TRIO: variants seen among roughly 807,000 people sequenced by gnomAD.
TRIO encodes the protein trio Rho guanine nucleotide exchange factor.
TRIO carries 58 observed loss-of-function variants against 351.9 expected under a neutral mutation model. The observed-to-expected ratio is 0.16, with a 90% CI of 0.13 to 0.21. The LOEUF (loss-of-function observed/expected upper bound fraction) is 0.21. Ranked by LOEUF, TRIO falls within the 10% of genes least tolerant of loss-of-function variation. The pLI is 1.00. For synonymous variants in TRIO, 1,758 were observed against 1,595.7 expected, an observed-to-expected ratio of 1.10 and a Z score of -2.42; for missense variants, 3,201 against 4,027.8, an observed-to-expected ratio of 0.79 and a Z score of 5.56.
intron 1 of TRIO, among the ~76,000 whole-genome samples, chr5:14,212,786 T>G (rs1791986918): frequency 6.6e-6 from 1 of 152,190 alleles, no homozygotes; most frequent in Non-Finnish European, 1.5e-5. Context: ...ATTTTTTAAT[T>G]TACACATTGA....
intron 4 of TRIO, among the ~76,000 whole-genome samples, chr5:14,290,166 G>A (rs1736783764): frequency 6.6e-6 from 1 of 152,302 alleles, no homozygotes; most frequent in South Asian, 2.1e-4. Context: ...GGTTGGAGCA[G>A]CATTCATCGT....
At position 14,280,319 on chromosome 5, in the gene TRIO, T is replaced by C. The variant is rs1449367284; in HGVS notation, c.233-3T>C. 1.2e-6 allele frequency: 2 copies of C among 1,613,716 alleles called. No homozygotes were observed. Among genetic ancestry groups the C allele is most frequent in the East Asian group, 4.5e-5 (2 of 44,872 alleles). On this transcript the variant is annotated splice_region_variant and splice_polypyrimidine_tract_variant and intron_variant, in intron 2 of 56. Coordinates refer to ENST00000344204, the MANE Select transcript of TRIO (RefSeq NM_007118.4). ...AAGTGTATTCCTAATGTTTGTTTTT[T>C]AGGTGGGAGAGATAAACGTGGAGGT...
intron 40 of TRIO, 68 bp downstream of exon 40, chr5:14,474,165 G>A: frequency 6.8e-7 from 1 of 1,475,384 alleles, no homozygotes; most frequent in African/African-American, 1.4e-5. Flanking sequence ...AGGCAGGCCA[G>A]GCCAAAGGGA....
chr5:14,316,815 T>A, intron 9 of TRIO, 72 bp downstream of exon 9: 1 of 1,454,974 alleles, frequency 6.9e-7, no homozygotes, highest in Non-Finnish European at 9.4e-7. Context: ...CATCATCATA[T>A]TGGGAAGATC....
intron 34 of TRIO, among the ~76,000 whole-genome samples, chr5:14,434,638 G>C (rs905010787): frequency 6.6e-6 from 1 of 152,222 alleles, no homozygotes; most frequent in Non-Finnish European, 1.5e-5. Flanking sequence ...GAACCCGAAT[G>C]CAGTGCTCTT....
intron 14 of TRIO, 47 bp downstream of exon 14, chr5:14,363,974 G>C (rs139322230): frequency 1.3e-6 from 2 of 1,562,010 alleles, no homozygotes; most frequent in South Asian, 1.2e-5. Context: ...TCTTCATGTC[G>C]TCATGGCAAT....
Position 14,508,153 on chromosome 5 carries a change from T to G in TRIO, c.9025T>G (p.Phe3009Val), listed in dbSNP as rs973156766. ...CTGCCTGAACATTTGCCGCTTAGAC[T>G]TTAGCTTCCCAGATGACTACTTTAA... ...ETCLNICRLD[F>V]SFPDDYFKGV... is the part of the protein sequence containing the mutation. The change falls in exon 57 of 57, where the codon TTT becomes GTT. Residue 3009 changes from phenylalanine to valine, a missense_variant. Physicochemically the swap from Phe to Val is conservative, Grantham distance 50. Transcript: ENST00000344204. The G allele has an allele frequency of 1.2e-6, 2 of 1,614,066 alleles. No individual in the cohort carries two copies. The highest frequency in any genetic ancestry group is 3.3e-5 in the Admixed American group (2 of 60,012).
rs116173151 is a variant in TRIO at position 14,425,290 on chromosome 5, T to C, written c.5203+5269T>C. 5.0e-3 allele frequency among the ~76,000 whole-genome samples: 769 copies of C among 152,324 alleles called. 8 individuals are homozygous for C. The highest frequency in any genetic ancestry group is 0.017 in the African/African-American group (688 of 41,564). Reference sequence around the variant, plus strand: ...TCTGTCTCCATGAGTTTGACTGTTGTAGGTGCCTCATGTGAGTAGAAAGTC... The same window carrying C: ...TCTGTCTCCATGAGTTTGACTGTTGCAGGTGCCTCATGTGAGTAGAAAGTC... On this transcript the variant is annotated intron_variant, in intron 34 of 56. Coordinates refer to ENST00000344204, the MANE Select transcript of TRIO (RefSeq NM_007118.4).
rs1453799136 is a variant in TRIO at position 14,390,095 on chromosome 5, A to G, written c.4059-136A>G. 5.5e-6 allele frequency: 4 copies of G among 731,572 alleles called. No individual in the cohort carries two copies. The East Asian group carries it at 8.2e-5, about 15-fold the overall frequency. The allele number at this position is 731,572 out of a possible 1,614,324, so 45.3% of individuals were successfully genotyped here. ...AACTGGCTAGCTGTTTGAAAGTCAC[A>G]ATAACTTACCCTAGTTAAGAGCTAC... On this transcript the variant is annotated intron_variant, in intron 25 of 56. Transcript: ENST00000344204.
At chr5:14,449,759 T>TA (rs1752709734) in intron 34 of TRIO, among the ~76,000 whole-genome samples, 1 of 152,356 alleles carries the variant, frequency 6.6e-6, no homozygotes, top group East Asian at 1.9e-4. Flanking sequence ...ATTGGACTCT[T>TA]TCTTCATTTA....
chr5:14,263,415 A>T (rs1244178919), intron 1 of TRIO, among the ~76,000 whole-genome samples: 1 of 152,010 alleles, frequency 6.6e-6, no homozygotes, highest in Non-Finnish European at 1.5e-5. Flanking sequence ...TTATAGCTTT[A>T]TTTTCTGAAG....
At chr5:14,186,577 C>T (rs1428561651) in intron 1 of TRIO, among the ~76,000 whole-genome samples, 2 of 152,016 alleles carry the variant, frequency 1.3e-5, no homozygotes, top group Admixed American at 1.3e-4. Flanking sequence ...TGACCAATTT[C>T]CTTCTTTCTT....
At chr5:14,228,915 A>G (rs1793219385) in intron 1 of TRIO, among the ~76,000 whole-genome samples, 1 of 152,170 alleles carries the variant, frequency 6.6e-6, no homozygotes, top group Admixed American at 6.6e-5. Flanking sequence ...TATAATTCAT[A>G]GAGTCAAGCC....
At chr5:14,406,804 C>G in intron 33 of TRIO, 132 bp downstream of exon 33, 1 of 843,096 alleles carries the variant, frequency 1.2e-6, no homozygotes, top group Non-Finnish European at 1.9e-6. Flanking sequence ...AGGAGTGGTG[C>G]CAGGATCCCG....
intron 34 of TRIO, among the ~76,000 whole-genome samples, chr5:14,445,580 ACTT>A (rs1461675433): frequency 5.3e-5 from 8 of 152,328 alleles, no homozygotes; most frequent in Admixed American, 1.3e-4. Flanking sequence ...TGCTATTGCT[ACTT>A]CTTGTTAAAA....
intron 21 of TRIO, among the ~76,000 whole-genome samples, chr5:14,385,315 C>T (rs540275134): frequency 6.6e-6 from 1 of 152,256 alleles, no homozygotes; most frequent in South Asian, 2.1e-4. Context: ...GCATTGTTGC[C>T]GTGGTAGACG....
intron 30 of TRIO, among the ~76,000 whole-genome samples, chr5:14,400,391 G>T (rs772636972): frequency 1.2e-4 from 19 of 152,104 alleles, no homozygotes; most frequent in Admixed American, 1.2e-3. Context: ...CCTTGACTGT[G>T]GGGGAGGGGC....
At chr5:14,206,237 T>C (rs1791450084) in intron 1 of TRIO, among the ~76,000 whole-genome samples, 1 of 152,090 alleles carries the variant, frequency 6.6e-6, no homozygotes. Flanking sequence ...ATTTTTTGTA[T>C]TTGTGGTAGA....
chr5:14,152,170 A>G (rs1301875650), intron 1 of TRIO, among the ~76,000 whole-genome samples: 1 of 152,246 alleles, frequency 6.6e-6, no homozygotes, highest in African/African-American at 2.4e-5. Flanking sequence ...GTAAACAAAT[A>G]GATTTCTCAT....
Sources: allele counts gnomAD v4.1 joint callset (sites outside exome capture counted in the v4.1 genomes callset), GRCh38; gene constraint gnomAD v4.1.1; transcripts MANE v1.5; gene names NCBI Gene and HGNC (gene_info 2026-07-23, HGNC 2026-07-21).